ABL2: variants seen among roughly 807,000 people sequenced by gnomAD.
The protein encoded by ABL2 is tyrosine-protein kinase ABL2.
A neutral mutation model predicts 107.7 loss-of-function variants in ABL2; 49 were observed. The ratio of observed to expected loss-of-function variants is 0.45; its 90% CI spans 0.36 to 0.58. ABL2 has a LOEUF of 0.58. Among genes scored for constraint, ABL2 ranks in the 20% least tolerant of loss-of-function variants. ABL2 has a pLI of 0.00. For synonymous variants in ABL2, 549 were observed against 548.6 expected (o/e 1.00, Z -0.01); for missense variants, 1,245 against 1,457.0 (o/e 0.85, Z 2.37).
intron 1 of ABL2, among the ~76,000 whole-genome samples, chr1:179,138,922 C>T (rs1247355527): frequency 1.3e-5 from 2 of 152,198 alleles, no homozygotes; most frequent in African/African-American, 4.8e-5. Flanking sequence ...CTTGGCGGGC[C>T]CCGCACTCAC....
At position 179,135,698 on chromosome 1, in the gene ABL2, G is replaced by A. The variant is rs562135281; in HGVS notation, c.158-2324C>T. Among the ~76,000 whole-genome samples, 6 of 141,778 alleles carry A rather than the reference G, an allele frequency of 4.2e-5. No individual in the cohort carries two copies. The South Asian group carries it at 1.1e-3, about 27-fold the overall frequency. 93.0% of individuals were successfully genotyped at this position (141,778 alleles called of 152,430 possible). On this transcript the variant is annotated intron_variant, in intron 1 of 11. Transcript: ENST00000502732. The stretch of plus-strand genomic sequence containing the variant: ...CAGCCGCCCCATCCGGGAGGTGAGG[G>A]GTGCCTCTGCCCGGCCGCCCCTACT...
At chr1:179,197,065 G>A (rs1446346191) in intron 1 of ABL2, among the ~76,000 whole-genome samples, 1 of 152,108 alleles carries the variant, frequency 6.6e-6, no homozygotes, top group Non-Finnish European at 1.5e-5. Flanking sequence ...GGACAGAATA[G>A]AATGTCCAAC....
chr1:179,184,508 T>TA, intron 1 of ABL2: 1 of 715,230 alleles, frequency 1.4e-6, no homozygotes, highest in South Asian at 1.7e-5. Context: ...AAGATGACAT[T>TA]TGTCCCATCC....
intron 1 of ABL2, among the ~76,000 whole-genome samples, chr1:179,169,597 A>G (rs368130357): frequency 9.9e-5 from 15 of 152,092 alleles, no homozygotes; most frequent in Admixed American, 7.2e-4. Context: ...TATGAGAAAC[A>G]TAAGTGGGGA....
In ABL2 at chr1:179,133,339, C is replaced by T. The variant is rs1470099594; in HGVS notation, c.193G>A (p.Gly65Arg). ...FASCVEDGFE[G>R]DKTGGSSPEA... ...GGACTACTGCCTCCAGTCTTGTCTC[C>T]CTCAAATCCATCCTCCACACAGCTG... Residue 65 changes from glycine to arginine, a missense_variant, in exon 2 of 12, where the codon GGA (glycine) becomes AGA (arginine). Physicochemically the swap from Gly to Arg is moderately radical, Grantham distance 125 (BLOSUM62 -2). Coordinates refer to ENST00000502732, the MANE Select transcript of ABL2 (RefSeq NM_007314.4). 16 of 1,613,952 alleles carry T rather than the reference C, an allele frequency of 9.9e-6. No individual in the cohort carries two copies. The highest frequency in any genetic ancestry group is 1.4e-5 in the Non-Finnish European group (16 of 1,180,020).
At chr1:179,110,672 T>C (rs543373173) in intron 10 of ABL2, 17 of 1,567,236 alleles carry the variant, frequency 1.1e-5, no homozygotes, top group Admixed American at 6.9e-5. Flanking sequence ...GGGGTTCTCA[T>C]TGCTGTGTAG....
intron 1 of ABL2, among the ~76,000 whole-genome samples, chr1:179,167,251 C>G (rs1471543617): frequency 6.6e-6 from 1 of 152,154 alleles, no homozygotes. Context: ...GAAATCATGT[C>G]ATCTGCAGCA....
intron 9 of ABL2, among the ~76,000 whole-genome samples, chr1:179,113,711 G>A (rs1022479851): frequency 6.7e-6 from 1 of 149,212 alleles, no homozygotes; most frequent in African/African-American, 2.5e-5. Flanking sequence ...GGCGGATCAC[G>A]AGGTCAGGAG....
rs111941588 is a variant in ABL2 at position 179,173,512 on chromosome 1, G to A, written c.158-40138C>T. Reference sequence around the variant, plus strand: ...CTAGCAGCTGGGATTACAGGCACGTGCCGCCACGCCTGTATTTTTGGTAGA... The same window carrying A: ...CTAGCAGCTGGGATTACAGGCACGTACCGCCACGCCTGTATTTTTGGTAGA... On this transcript the variant is annotated intron_variant, in intron 1 of 11. Transcript: ENST00000502732. Among the ~76,000 whole-genome samples the A allele has an allele frequency of 2.3e-5, 3 of 129,498 alleles. No homozygotes were observed. In the East Asian group the frequency reaches 6.0e-4, roughly 26 times the overall value. The allele number at this position is 129,498 out of a possible 152,430, so 85.0% of individuals were successfully genotyped here. A position where few individuals can be genotyped will look rare whatever the true frequency, so the allele number is the denominator to read the frequency against.
chr1:179,130,029 T>C (rs1656136336), intron 3 of ABL2, among the ~76,000 whole-genome samples: 1 of 152,162 alleles, frequency 6.6e-6, no homozygotes, highest in South Asian at 2.1e-4. Context: ...AACCTCCCCG[T>C]CCCAAGTTCA....
At chr1:179,213,263 A>G (rs1201781837) in intron 1 of ABL2, among the ~76,000 whole-genome samples, 1 of 152,044 alleles carries the variant, frequency 6.6e-6, no homozygotes, top group Non-Finnish European at 1.5e-5. Flanking sequence ...GTATTTTATT[A>G]CAGTACTTCT....
chr1:179,156,909 A>G (rs915137122), intron 1 of ABL2, among the ~76,000 whole-genome samples: 25 of 151,202 alleles, frequency 1.7e-4, no homozygotes, highest in Admixed American at 9.9e-4. Flanking sequence ...AAATAAATAA[A>G]TAAATAAATA....
chr1:179,159,887 G>A lies in ABL2; in HGVS notation c.158-26513C>T, dbSNP rs554786309. On this transcript the variant is annotated intron_variant, in intron 1 of 11. Coordinates refer to ENST00000502732, the MANE Select transcript of ABL2 (RefSeq NM_007314.4). ...CCAGCACTTTGGGAGGCCAAGGTGG[G>A]CGTATCAACTGAGGTCAGGAGTTCA... Among the ~76,000 whole-genome samples, 32 of 152,296 alleles carry A rather than the reference G, an allele frequency of 2.1e-4. 1 individual carries two copies. The highest frequency in any genetic ancestry group is 1.2e-3 in the East Asian group (6 of 5,190).
At position 179,103,233 on chromosome 1, in the gene ABL2, T is replaced by TTCCTATACC. The variant is rs1017940691; in HGVS notation, c.*4484_*4485insGGTATAGGA. 4.8e-6 allele frequency: 1 copy of TTCCTATACC among 209,316 alleles called. No individual in the cohort carries two copies. The highest frequency in any genetic ancestry group is 2.3e-5 in the African/African-American group (1 of 44,106). 13.0% of individuals were successfully genotyped at this position (209,316 alleles called of 1,614,324 possible). On this transcript the variant is annotated 3_prime_UTR_variant, in exon 12 of 12. Coordinates refer to ENST00000502732, the MANE Select transcript of ABL2 (RefSeq NM_007314.4). ...TCTGAACTACAACTTTAGCAAACAC[T>TTCCTATACC]TGCTATACCTGCTCATACCTGTTAA... is the stretch of plus-strand genomic sequence containing the variant.
At chr1:179,130,495 C>T (rs1302120942) in intron 3 of ABL2, among the ~76,000 whole-genome samples, 1 of 152,220 alleles carries the variant, frequency 6.6e-6, no homozygotes, top group Non-Finnish European at 1.5e-5. Flanking sequence ...GTTTCACATT[C>T]TGGCATAAGC....
At chr1:179,191,048 A>C (rs1045603489) in intron 1 of ABL2, among the ~76,000 whole-genome samples, 7 of 152,140 alleles carry the variant, frequency 4.6e-5, no homozygotes, top group Admixed American at 1.3e-4. Context: ...GTCCCTATTT[A>C]GATAGGAAGC....
chr1:179,154,834 T>C (rs1658583329), intron 1 of ABL2, among the ~76,000 whole-genome samples: 1 of 152,220 alleles, frequency 6.6e-6, no homozygotes, highest in Admixed American at 6.5e-5. Flanking sequence ...ATTACGGTAT[T>C]CACATTTGGG....
intron 1 of ABL2, among the ~76,000 whole-genome samples, chr1:179,135,275 T>C (rs2102680723): frequency 6.7e-6 from 1 of 149,948 alleles, no homozygotes; most frequent in African/African-American, 2.5e-5. Context: ...CCATCCCATC[T>C]AGGAAGTGAG....
At chr1:179,153,710 AACATT>A (rs1185405248) in intron 1 of ABL2, among the ~76,000 whole-genome samples, 1 of 152,162 alleles carries the variant, frequency 6.6e-6, no homozygotes, top group Non-Finnish European at 1.5e-5. Context: ...TATGAGAGGT[AACATT>A]CATAGGTTCC....
Sources: allele counts gnomAD v4.1 joint callset (sites outside exome capture counted in the v4.1 genomes callset), GRCh38; gene constraint gnomAD v4.1.1; transcripts MANE v1.5; gene names NCBI Gene and HGNC (gene_info 2026-07-23, HGNC 2026-07-21).